FCRL2: variants seen among roughly 807,000 people sequenced by gnomAD.
FCRL2 encodes Fc receptor like 2.
FCRL2 carries 48 observed loss-of-function variants against 59.8 expected under a neutral mutation model. The observed-to-expected ratio is 0.80, with a 90% CI of 0.64 to 1.02. The LOEUF is 1.02. Ranked by LOEUF, FCRL2 falls within the 50% of genes least tolerant of loss-of-function variation. The pLI, the probability that FCRL2 is intolerant of heterozygous loss-of-function variation, is 0.00. For synonymous variants in FCRL2, 251 were observed against 229.5 expected (o/e 1.09, Z -0.85); for missense variants, 658 against 597.3 (o/e 1.10, Z -1.06).
intron 7 of FCRL2, among the ~76,000 whole-genome samples, chr1:157,751,616 G>A (rs945845400): frequency 2.0e-5 from 3 of 152,210 alleles, no homozygotes; most frequent in African/African-American, 7.2e-5. Context: ...AGTGTTTCTT[G>A]TGGATGGATC....
rs752835060 is a variant in FCRL2 at position 157,769,995 on chromosome 1, A to G, written c.466T>C (p.Trp156Arg). The change falls in exon 4 of 12, where the codon TGG (tryptophan) becomes CGG (arginine). Residue 156 changes from tryptophan (W) to arginine (R), a missense_variant. Physicochemically the swap from Trp to Arg is moderately radical, Grantham distance 101. Coordinates refer to ENST00000361516, the MANE Select transcript of FCRL2 (RefSeq NM_030764.4). ...ATCTGGAGCTCCGGAGAGCTGCTCC[A>G]GCCTGACCCCAGGACCTGGTTTTCT... ...FRENQVLGSG[W>R]SSSPELQISA... 1 of 1,614,182 alleles carries G rather than the reference A, an allele frequency of 6.2e-7. No individual in the cohort carries two copies.
At chr1:157,764,427 A>G (rs1253989474) in intron 7 of FCRL2, among the ~76,000 whole-genome samples, 1 of 152,216 alleles carries the variant, frequency 6.6e-6, no homozygotes, top group Non-Finnish European at 1.5e-5. Flanking sequence ...TGAATAGTAA[A>G]TCAACAAAGA....
intron 7 of FCRL2, among the ~76,000 whole-genome samples, chr1:157,752,713 A>G (rs1648286663): frequency 6.6e-6 from 1 of 152,218 alleles, no homozygotes; most frequent in African/African-American, 2.4e-5. Flanking sequence ...TCAGGAGTAA[A>G]CTTAGCAAGA....
chr1:157,770,193 A>G (rs758770675), intron 3 of FCRL2, 43 bp from the exon 4 acceptor site: 8 of 1,594,448 alleles, frequency 5.0e-6, no homozygotes, highest in Non-Finnish European at 6.8e-6. Flanking sequence ...AGTGACAGCT[A>G]AGATTCCTGC....
In FCRL2 at chr1:157,769,979, TC is replaced by T; in HGVS notation, c.481del (p.Glu161SerfsTer22). On this transcript the variant is annotated frameshift_variant, in exon 4 of 12. Transcript: ENST00000361516. LOFTEE classifies it high-confidence loss of function. ...ACTCCACACGGCAGAAATCTGGAGC[TC>T]CGGAGAGCTGCTCCAGCCTGACCCC... is the stretch of plus-strand genomic sequence containing the variant. ...VLGSGWSSSPELQISAVWSED... is the reference protein window; with the variant it reads ...VLGSGWSSSPXLQISAVWSED... The T allele has an allele frequency of 6.2e-7, 1 of 1,614,118 alleles. No individual in the cohort carries two copies. The highest frequency in any genetic ancestry group is 8.5e-7 in the Non-Finnish European group (1 of 1,180,026).
chr1:157,765,908 T>C (rs1396957349), intron 7 of FCRL2, among the ~76,000 whole-genome samples: 3 of 152,194 alleles, frequency 2.0e-5, no homozygotes, highest in Non-Finnish European at 4.4e-5. Flanking sequence ...TTTTGGAGCC[T>C]GAATCAACAT....
Position 157,770,433 on chromosome 1 carries a change from T to A in FCRL2, c.286A>T (p.Asn96Tyr). ...GQLFLWDKTS[N>Y]IVKIKVQELF... is the part of the protein sequence containing the mutation. ...CCTTGGACTTTTATCTTTACTATAT[T>A]TGAAGTTTTATCCCAGAGAAAGAGT... The change falls in exon 3 of 12, where the codon AAT becomes TAT. Residue 96 changes from asparagine to tyrosine, a missense_variant. Asn to Tyr is a moderately radical substitution (Grantham distance 143, BLOSUM62 -2). Transcript: ENST00000361516. The A allele has an allele frequency of 6.2e-7, 1 of 1,613,860 alleles. No individual in the cohort carries two copies. The highest frequency in any genetic ancestry group is 8.5e-7 in the Non-Finnish European group (1 of 1,179,918).
At chr1:157,767,851 G>A in intron 5 of FCRL2, 1 of 624,442 alleles carries the variant, frequency 1.6e-6, no homozygotes, top group Non-Finnish European at 2.4e-6. Context: ...TATTATAGTT[G>A]TTCCTGGGAA....
chr1:157,770,109 G>T lies in FCRL2; in HGVS notation c.352C>A (p.Pro118Thr). ...AGGCTCACTGGACCCCCTTCGATGG[G>T]CTGGAAGGAGCTGGCAGTCAGCACA... ...RPVLTASSFQ[P>T]IEGGPVSLKC... The change falls in exon 4 of 12, where the codon CCC becomes ACC. Residue 118 changes from proline (P) to threonine (T), a missense_variant. By Grantham distance (38) the Pro-to-Thr change is conservative. Coordinates refer to ENST00000361516, the MANE Select transcript of FCRL2 (RefSeq NM_030764.4). 1 of 1,614,134 alleles carries T rather than the reference G, an allele frequency of 6.2e-7. No individual in the cohort carries two copies. The highest frequency in any genetic ancestry group is 8.5e-7 in the Non-Finnish European group (1 of 1,180,026).
chr1:157,758,585 C>A (rs188411950), intron 7 of FCRL2, among the ~76,000 whole-genome samples: 2 of 134,322 alleles, frequency 1.5e-5, no homozygotes, highest in Admixed American at 1.7e-4. Flanking sequence ...CTATTCTTAG[C>A]AAACTACCAA....
chr1:157,760,460 TA>T (rs111766663), intron 7 of FCRL2, among the ~76,000 whole-genome samples: 2,631 of 146,678 alleles, frequency 0.018, 58 homozygotes, highest in African/African-American at 0.053. Context: ...CTATCTCTTC[TA>T]AAAAAAAAAT....
intron 7 of FCRL2, among the ~76,000 whole-genome samples, chr1:157,760,764 ATG>A (rs1557860649): frequency 6.8e-6 from 1 of 146,548 alleles, no homozygotes; most frequent in African/African-American, 2.7e-5. Flanking sequence ...AGAAGAAAGA[ATG>A]AAAAAAGAAA....
In FCRL2 at chr1:157,769,962, C is replaced by A. The variant is rs138011295; in HGVS notation, c.499G>T (p.Val167Leu). The change falls in exon 4 of 12, where the codon GTG (valine) becomes TTG (leucine). Residue 167 changes from valine (V) to leucine (L), a missense_variant. Coordinates refer to ENST00000361516, the MANE Select transcript of FCRL2 (RefSeq NM_030764.4). ...TAAGACCCTGTGTCTTCACTCCACA[C>A]GGCAGAAATCTGGAGCTCCGGAGAG... is the stretch of plus-strand genomic sequence containing the variant. ...SSSPELQISA[V>L]WSEDTGSYWC... The A allele has an allele frequency of 1.4e-4, 221 of 1,614,064 alleles. No homozygotes were observed. The highest frequency in any genetic ancestry group is 1.8e-4 in the Non-Finnish European group (213 of 1,180,038).
intron 7 of FCRL2, among the ~76,000 whole-genome samples, chr1:157,763,771 C>T (rs577587287): frequency 5.3e-5 from 8 of 152,294 alleles, no homozygotes; most frequent in South Asian, 2.1e-4. Context: ...TGGCTCATGC[C>T]TGTAATCCCA....
In FCRL2 at chr1:157,749,661, A is replaced by T. The variant is rs1648033453; in HGVS notation, c.1296T>A (p.Thr432=). The T allele has an allele frequency of 6.2e-7, 1 of 1,608,890 alleles. No homozygotes were observed. Among genetic ancestry groups the T allele is most frequent in the Non-Finnish European group, 8.5e-7 (1 of 1,176,808 alleles). Residue 432 remains threonine, a synonymous_variant, in exon 8 of 12, where the codon ACT becomes ACA. Coordinates refer to ENST00000361516, the MANE Select transcript of FCRL2 (RefSeq NM_030764.4). ...GGAAGAGTTCTCACCTGGGTTCATT[A>T]GTGGCAGAACTTTCTCCTGAAATGC... is the stretch of plus-strand genomic sequence containing the variant. ...FHKISGESSA[T]NEPRGASRPN... is the part of the protein sequence containing the mutation.
In FCRL2 at chr1:157,773,831, C is replaced by T. The variant is rs545495269; in HGVS notation, c.52+1944G>A. ...TGACTTGTTCATCCTCAGGGAGTTC[C>T]ACATCCTCCAGAAACTGGCTGAGAG... On this transcript the variant is annotated intron_variant, in intron 2 of 11. Coordinates refer to ENST00000361516, the MANE Select transcript of FCRL2 (RefSeq NM_030764.4). 3.9e-5 allele frequency among the ~76,000 whole-genome samples: 6 copies of T among 152,300 alleles called. No individual in the cohort carries two copies. In the South Asian group the frequency reaches 8.3e-4, roughly 21 times the overall value.
At chr1:157,772,737 G>GA (rs1421612222) in intron 2 of FCRL2, among the ~76,000 whole-genome samples, 2 of 151,588 alleles carry the variant, frequency 1.3e-5, no homozygotes, top group Non-Finnish European at 2.9e-5. Context: ...ATTTTTCTAA[G>GA]AAAAAAAGAG....
At chr1:157,775,683 C>G in intron 2 of FCRL2, 92 bp downstream of exon 2, 1 of 1,427,490 alleles carries the variant, frequency 7.0e-7, no homozygotes, top group Non-Finnish European at 9.8e-7. Flanking sequence ...GACATCTTCA[C>G]AGGCTTTCCA....
In FCRL2 at chr1:157,770,087, C is replaced by T. The variant is rs757860411; in HGVS notation, c.374G>A (p.Ser125Asn). ...SFQPIEGGPV[S>N]LKCETRLSPQ... ...AGAGAGCCGGGTCTCACATTTCAGG[C>T]TCACTGGACCCCCTTCGATGGGCTG... The change falls in exon 4 of 12, where the codon AGC becomes AAC. Residue 125 changes from serine to asparagine, a missense_variant. Coordinates refer to ENST00000361516, the MANE Select transcript of FCRL2 (RefSeq NM_030764.4). 1.2e-6 allele frequency: 2 copies of T among 1,614,194 alleles called. No homozygotes were observed. Among genetic ancestry groups the T allele is most frequent in the Middle Eastern group, 1.7e-4 (1 of 6,046 alleles).
Sources: allele counts gnomAD v4.1 joint callset (sites outside exome capture counted in the v4.1 genomes callset), GRCh38; gene constraint gnomAD v4.1.1; transcripts MANE v1.5; gene names NCBI Gene and HGNC (gene_info 2026-07-23, HGNC 2026-07-21).